SIN3B: variants seen among roughly 807,000 people sequenced by gnomAD.
SIN3B encodes the protein SIN3 transcription regulator family member B, also known as paired amphipathic helix protein Sin3b.
A neutral mutation model predicts 120.2 loss-of-function variants in SIN3B; 19 were observed. The ratio of observed to expected loss-of-function variants is 0.16; its 90% CI spans 0.11 to 0.23. The LOEUF (loss-of-function observed/expected upper bound fraction) is 0.23. Ranked by LOEUF, SIN3B falls within the 10% of genes least tolerant of loss-of-function variation. The probability of loss-of-function intolerance (pLI) is 1.00; values close to 1 mark genes in which losing one functional copy is unlikely to be tolerated. For missense variants in SIN3B, 1,073 were observed against 1,573.0 expected (o/e 0.68, Z 5.38); for synonymous variants, 654 against 653.2 (o/e 1.00, Z -0.02).
intron 2 of SIN3B, among the ~76,000 whole-genome samples, chr19:16,830,513 G>A (rs1023236322): frequency 6.6e-6 from 1 of 152,162 alleles, no homozygotes; most frequent in Non-Finnish European, 1.5e-5. Context: ...GACTCACTGA[G>A]GTTTGGAGTG....
At chr19:16,829,684 C>T (rs1971253345) in intron 1 of SIN3B, 107 bp from the exon 2 acceptor site, 1 of 1,253,848 alleles carries the variant, frequency 8.0e-7, no homozygotes. Context: ...TCACCTCTCA[C>T]CTCGGCCCTC....
At chr19:16,861,173 A>G (rs1344925571) in intron 8 of SIN3B, among the ~76,000 whole-genome samples, 3 of 152,160 alleles carry the variant, frequency 2.0e-5, no homozygotes, top group Non-Finnish European at 2.9e-5. Context: ...CACAGAGAGA[A>G]GTCTCCCTCA....
chr19:16,870,145 A>G, intron 13 of SIN3B, 70 bp downstream of exon 13: 1 of 1,366,200 alleles, frequency 7.3e-7, no homozygotes, highest in Admixed American at 2.8e-5. Context: ...TCATGATCTG[A>G]CATGTCCTGT....
At chr19:16,843,379 G>T (rs1206559377) in intron 4 of SIN3B, among the ~76,000 whole-genome samples, 1 of 152,212 alleles carries the variant, frequency 6.6e-6, no homozygotes, top group Non-Finnish European at 1.5e-5. Context: ...TTTGTGTTCT[G>T]GGAACTCCAC....
chr19:16,838,480 G>A (rs1481189338), intron 3 of SIN3B, among the ~76,000 whole-genome samples: 1 of 152,066 alleles, frequency 6.6e-6, no homozygotes, highest in African/African-American at 2.4e-5. Flanking sequence ...GTGTTTTCCG[G>A]GGTCATTCAC....
Position 16,866,547 on chromosome 19 carries a change from C to T in SIN3B, c.1797C>T (p.Val599=). 1 of 1,613,710 alleles carries T rather than the reference C, an allele frequency of 6.2e-7. No homozygotes were observed. The highest frequency in any genetic ancestry group is 8.5e-7 in the Non-Finnish European group (1 of 1,179,966). ...GCTTGCTCAACGAGATCGAGAGCGT[C>T]TACGACGAGGTAAAGCCTTCCCTAG... ...SKSLLNEIES[V]YDEHQEQHSE... Residue 599 remains valine, a synonymous_variant, in exon 12 of 19, where the codon GTC becomes GTT. Transcript: ENST00000248054.
chr19:16,849,863 A>G (rs1466849376), intron 5 of SIN3B, among the ~76,000 whole-genome samples: 3 of 151,938 alleles, frequency 2.0e-5, no homozygotes, highest in Non-Finnish European at 4.4e-5. Context: ...GGCTGAAGCA[A>G]GAGAATCACT....
Position 16,862,882 on chromosome 19 carries a change from A to C in SIN3B, c.1266+323A>C. 1 of 1,613,146 alleles carries C rather than the reference A, an allele frequency of 6.2e-7. No homozygotes were observed. The highest frequency in any genetic ancestry group is 8.5e-7 in the Non-Finnish European group (1 of 1,179,062). On this transcript the variant is annotated intron_variant, in intron 9 of 18. Coordinates refer to ENST00000248054, the MANE Select transcript of SIN3B (RefSeq NM_001297595.2). This position sits in a 1 kb window ranked among gnomAD's most constrained non-coding sequence, Gnocchi z 4.7. ...CACTGACCTCAGTGTGTTTCTGTTT[A>C]GCTTGACCATTGGACACTTCTCCAG...
In SIN3B at chr19:16,876,659, G is replaced by A. The variant is rs190296913; in HGVS notation, c.2859+81G>A. The A allele has an allele frequency of 6.3e-5, 68 of 1,072,128 alleles. No individual in the cohort carries two copies. In the African/African-American group the frequency reaches 6.4e-4, roughly 10 times the overall value. The allele number at this position is 1,072,128 out of a possible 1,614,324, so 66.4% of individuals were successfully genotyped here. ...AGCATGGGGCTCCCACCAGCCAAGCGCAGGCCGCGCAGCATCCAGAGACCC... is the reference window on the plus strand; with the variant it reads ...AGCATGGGGCTCCCACCAGCCAAGCACAGGCCGCGCAGCATCCAGAGACCC... On this transcript the variant is annotated intron_variant, in intron 16 of 18. Coordinates refer to ENST00000248054, the MANE Select transcript of SIN3B (RefSeq NM_001297595.2). This position sits in a 1 kb window ranked among gnomAD's most constrained non-coding sequence, Gnocchi z 7.1.
At chr19:16,853,295 GC>G in intron 7 of SIN3B, 137 bp downstream of exon 7, 3 of 740,130 alleles carry the variant, frequency 4.1e-6, no homozygotes, top group Non-Finnish European at 6.7e-6. Flanking sequence ...GGCGGGGCTG[GC>G]CCCCAGCTTT....
chr19:16,874,647 G>A (rs28624525), intron 14 of SIN3B, among the ~76,000 whole-genome samples: 11,818 of 151,138 alleles, frequency 0.078, 872 homozygotes, highest in African/African-American at 0.19. Context: ...GGTCTGATCT[G>A]ATCTGGCCTG....
intron 8 of SIN3B, among the ~76,000 whole-genome samples, chr19:16,860,702 G>A (rs911528178): frequency 2.0e-5 from 3 of 148,874 alleles, no homozygotes; most frequent in African/African-American, 5.0e-5. Context: ...CTGGGTTCAC[G>A]CCATTCTCCT....
rs182263604 is a variant in SIN3B, at chr19:16,856,190, G to A, written c.1058+1929G>A. Reference sequence around the variant, plus strand: ...GAAGGGGCTGGGACTGAGTGGAGGGGCCTGGAAACAACTGCGCACACTCGT... The same window carrying A: ...GAAGGGGCTGGGACTGAGTGGAGGGACCTGGAAACAACTGCGCACACTCGT... On this transcript the variant is annotated intron_variant, in intron 8 of 18. Coordinates refer to ENST00000248054, the MANE Select transcript of SIN3B (RefSeq NM_001297595.2). 5.9e-5 allele frequency among the ~76,000 whole-genome samples: 9 copies of A among 152,296 alleles called. No homozygotes were observed. In the East Asian group the frequency reaches 1.3e-3, roughly 23 times the overall value.
At position 16,878,503 on chromosome 19, in the gene SIN3B, C is replaced by T. The variant is rs1316098770; in HGVS notation, c.3169C>T (p.Pro1057Ser). ...GTLCRAKQVQPLVLLRHHQHF... is the reference protein window; with the variant it reads ...GTLCRAKQVQSLVLLRHHQHF... ...CACCCGGCCTCTTCAACAGGTGCAG[C>T]CCCTGGTCCTGCTCCGCCACCACCA... The change falls in exon 19 of 19, where the codon CCC becomes TCC. Residue 1057 changes from proline to serine, a missense_variant. Transcript: ENST00000248054. 3.8e-6 allele frequency: 6 copies of T among 1,571,386 alleles called. No individual in the cohort carries two copies. The highest frequency in any genetic ancestry group is 4.7e-5 in the East Asian group (2 of 42,356).
chr19:16,840,664 A>G (rs1454063520), intron 3 of SIN3B, among the ~76,000 whole-genome samples: 2 of 152,184 alleles, frequency 1.3e-5, no homozygotes, highest in Non-Finnish European at 2.9e-5. Context: ...AGTGTTGGGC[A>G]CTGCAGGGCA....
chr19:16,878,313 A>G lies in SIN3B; in HGVS notation c.3085A>G (p.Ser1029Gly), dbSNP rs763852481. 4 of 1,611,952 alleles carry G rather than the reference A, an allele frequency of 2.5e-6. No homozygotes were observed. The South Asian group carries it at 4.4e-5, about 18-fold the overall frequency. Residue 1029 changes from serine to glycine, a missense_variant, in exon 18 of 19, where the codon AGC (serine) becomes GGC (glycine). Ser to Gly is a moderately conservative substitution (Grantham distance 56). Around this residue, in one of 7 missense-constraint regions of SIN3B, gnomAD observed 311 missense variants for 400.3 expected, o/e 0.78. Transcript: ENST00000248054. ...ACDVDCRFKL[S>G]THKMVFIVNS... The stretch of plus-strand genomic sequence containing the variant: ...CGACGTGGACTGCCGCTTCAAGCTC[A>G]GCACTCACAAGATGGTGTTCATCGT...
chr19:16,875,985 TC>T, intron 14 of SIN3B, 69 bp from the exon 15 acceptor site: 1 of 1,486,836 alleles, frequency 6.7e-7, no homozygotes, highest in Non-Finnish European at 9.0e-7. Context: ...TTTGTCGACT[TC>T]CTCTGTGGGT....
At chr19:16,844,170 C>A (rs757252075) in intron 4 of SIN3B, 1 of 152,280 alleles carries the variant, frequency 6.6e-6, no homozygotes, top group African/African-American at 2.4e-5. Flanking sequence ...TTAAACAAGG[C>A]CCCTGGTGAC....
At chr19:16,858,919 T>C (rs1971651340) in intron 8 of SIN3B, among the ~76,000 whole-genome samples, 1 of 151,886 alleles carries the variant, frequency 6.6e-6, no homozygotes, top group Non-Finnish European at 1.5e-5. Flanking sequence ...CACTGCACTC[T>C]AGCCTGGGCA....
Sources: gnomAD v4.1 joint callset for allele counts (sites outside exome capture counted in the v4.1 genomes callset) on GRCh38, gnomAD v4.1.1 for gene constraint, gnomAD v4.1.1 regional missense constraint, Gnocchi (gnomAD v3.1) non-coding constraint, MANE v1.5 for transcripts, NCBI Gene and HGNC (gene_info 2026-07-23, HGNC 2026-07-21) for gene names.